NHSL1: variants seen among roughly 807,000 people sequenced by gnomAD.
NHSL1 encodes the protein NHS like 1, also known as NHS-like protein 1.
Under a neutral mutation model 95.0 loss-of-function variants are expected in NHSL1, and 48 were observed. That is an observed-to-expected ratio of 0.51 (90% CI 0.40 to 0.64). The LOEUF is 0.64. Ranked by LOEUF, NHSL1 falls within the 30% of genes least tolerant of loss-of-function variation. NHSL1 has a pLI of 0.00. For missense variants in NHSL1, 1,971 were observed against 2,077.7 expected, an observed-to-expected ratio of 0.95 and a Z score of 1.00; for synonymous variants, 783 against 833.9, an observed-to-expected ratio of 0.94 and a Z score of 1.05.
At chr6:138,690,847 T>C (rs1785656681) in intron 1 of NHSL1, among the ~76,000 whole-genome samples, 3 of 152,262 alleles carry the variant, frequency 2.0e-5, no homozygotes, top group East Asian at 1.9e-4. Flanking sequence ...TTTCTGGCTA[T>C]GGACAGTAGC....
At chr6:138,490,808 AT>A (rs1366046349) in intron 2 of NHSL1, among the ~76,000 whole-genome samples, 9 of 152,102 alleles carry the variant, frequency 5.9e-5, no homozygotes, top group East Asian at 3.9e-4. Context: ...TAATTTTTGT[AT>A]TTTTAGTAGA....
intron 7 of NHSL1, among the ~76,000 whole-genome samples, chr6:138,428,719 A>C (rs1490742155): frequency 6.6e-6 from 1 of 152,190 alleles, no homozygotes. Flanking sequence ...AAGAATTGGG[A>C]AAGCAGTGCT....
At chr6:138,576,073 C>A (rs971817943), upstream of NHSL1, among the ~76,000 whole-genome samples, 1 of 152,106 alleles carries the variant, frequency 6.6e-6, no homozygotes, top group Non-Finnish European at 1.5e-5. Context: ...CTCATTGCAA[C>A]CTTCGCCTCC....
At chr6:138,538,680 A>G (rs1201251724) in intron 1 of NHSL1, among the ~76,000 whole-genome samples, 2 of 152,236 alleles carry the variant, frequency 1.3e-5, no homozygotes, top group East Asian at 3.8e-4. Flanking sequence ...AAAATAATGA[A>G]GAACATAGAT....
At chr6:138,549,687 C>G (rs954424695), upstream of NHSL1, among the ~76,000 whole-genome samples, 1 of 152,160 alleles carries the variant, frequency 6.6e-6, no homozygotes, top group Admixed American at 6.5e-5. Context: ...GTAATAATTA[C>G]GTGAGATGGG....
intron 1 of NHSL1, among the ~76,000 whole-genome samples, chr6:138,608,782 T>C (rs528079241): frequency 1.6e-4 from 24 of 152,226 alleles, no homozygotes; most frequent in Non-Finnish European, 2.8e-4. Flanking sequence ...GACAAATAAC[T>C]GTGCCAGTTA....
chr6:138,491,733 G>A (rs1471957409), intron 2 of NHSL1, among the ~76,000 whole-genome samples: 1 of 152,076 alleles, frequency 6.6e-6, no homozygotes, highest in East Asian at 1.9e-4. Context: ...TTTAAATCTG[G>A]GTAAATGTTG....
chr6:138,540,558 C>A (rs1440381621), intron 1 of NHSL1, among the ~76,000 whole-genome samples: 1 of 152,156 alleles, frequency 6.6e-6, no homozygotes, highest in Non-Finnish European at 1.5e-5. Flanking sequence ...CTAAGGAATT[C>A]TTTTACATAC....
At chr6:138,510,454 T>C (rs1418648689) in intron 1 of NHSL1, among the ~76,000 whole-genome samples, 1 of 152,240 alleles carries the variant, frequency 6.6e-6, no homozygotes, top group East Asian at 1.9e-4. Flanking sequence ...ATTTGATTAG[T>C]GTTGGATCTT....
Position 138,432,552 on chromosome 6 carries a change from G to C in NHSL1, c.1793C>G (p.Ser598Trp), listed in dbSNP as rs1167012540. 6.4e-7 allele frequency: 1 copy of C among 1,552,004 alleles called. No individual in the cohort carries two copies. The highest frequency in any genetic ancestry group is 8.7e-7 in the Non-Finnish European group (1 of 1,147,036). ...DQTSNKEDAG[S>W]LYSEDHDGYC... is the part of the protein sequence containing the mutation. ...GCCATCGTGGTCCTCAGAATACAGC[G>C]ACCCAGCATCCTCTTTGTTGGACGT... The change falls in exon 6 of 8, where the codon TCG becomes TGG. Residue 598 changes from serine (S) to tryptophan (W), a missense_variant. Coordinates refer to ENST00000343505, the MANE Select transcript of NHSL1 (RefSeq NM_001144060.2). The surrounding 1 kb of genome is among the most constrained non-coding windows in gnomAD (Gnocchi z 4.4).
At chr6:138,548,112 G>T (rs956806631), upstream of NHSL1, among the ~76,000 whole-genome samples, 2 of 152,152 alleles carry the variant, frequency 1.3e-5, no homozygotes, top group African/African-American at 4.8e-5. Context: ...CTCCCAAGTA[G>T]CTGGGACTAC....
rs1004809937 is a variant in NHSL1 at position 138,430,649 on chromosome 6, C to T, written c.3696G>A (p.Thr1232=). The T allele has an allele frequency of 5.2e-6, 8 of 1,551,516 alleles. No individual in the cohort carries two copies. The highest frequency in any genetic ancestry group is 2.7e-5 in the African/African-American group (2 of 73,058). ...TGCTGTGCACAGAGCCCTCCTCTCCCGTCGTGGGGCTGGGCACAGCTCGGA... is the reference window on the plus strand; with the variant it reads ...TGCTGTGCACAGAGCCCTCCTCTCCTGTCGTGGGGCTGGGCACAGCTCGGA... ...EALRAVPSPT[T]GEEGSVHSRE... is the part of the protein sequence containing the mutation. The change falls in exon 6 of 8, where the codon ACG becomes ACA. Residue 1232 remains threonine, a synonymous_variant. Coordinates refer to ENST00000343505, the MANE Select transcript of NHSL1 (RefSeq NM_001144060.2). This position sits in a 1 kb window ranked among gnomAD's most constrained non-coding sequence, Gnocchi z 4.7.
chr6:138,432,208 G>A lies in NHSL1; in HGVS notation c.2137C>T (p.Pro713Ser), dbSNP rs985115677. Reference sequence around the variant, plus strand: ...GAGGGCGAGCTGCCACTCTTGCCTGGGAGGCTCAGCTGCAGCGAGTGCTGG... The same window carrying A: ...GAGGGCGAGCTGCCACTCTTGCCTGAGAGGCTCAGCTGCAGCGAGTGCTGG... ...TLQHSLQLSL[P>S]GKSGSSPSQS... The change falls in exon 6 of 8, where the codon CCA becomes TCA. Residue 713 changes from proline (P) to serine (S), a missense_variant. This residue lies in a region of NHSL1 where 1,602 missense variants were observed against 1,654.5 expected (regional missense o/e 0.97). Coordinates refer to ENST00000343505, the MANE Select transcript of NHSL1 (RefSeq NM_001144060.2). The surrounding 1 kb of genome is among the most constrained non-coding windows in gnomAD (Gnocchi z 4.4). 6.5e-7 allele frequency: 1 copy of A among 1,546,698 alleles called. No individual in the cohort carries two copies. Among genetic ancestry groups the A allele is most frequent in the Non-Finnish European group, 8.7e-7 (1 of 1,144,104 alleles).
At position 138,424,105 on chromosome 6, in the gene NHSL1, GC is replaced by G; in HGVS notation, c.4796del (p.Gly1599AlafsTer4). On this transcript the variant is annotated frameshift_variant, in exon 8 of 8. Transcript: ENST00000343505. LOFTEE classifies it high-confidence loss of function. This position sits in a 1 kb window ranked among gnomAD's most constrained non-coding sequence, Gnocchi z 5.9. ...AEGREPSPQC[G>X]GSLSEES ...CCTAACTCTCCTCGCTCAGAGAACC[GC>G]CACACTGTGGGGAGGGCTCTCTGCC... 1 of 1,403,168 alleles carries G rather than the reference GC, an allele frequency of 7.1e-7. No homozygotes were observed. The highest frequency in any genetic ancestry group is 9.3e-7 in the Non-Finnish European group (1 of 1,079,958). The allele number at this position is 1,403,168 out of a possible 1,614,324, so 86.9% of individuals were successfully genotyped here.
At chr6:138,520,805 T>A (rs184711673) in intron 1 of NHSL1, among the ~76,000 whole-genome samples, 11 of 152,308 alleles carry the variant, frequency 7.2e-5, no homozygotes, top group African/African-American at 2.4e-4. Flanking sequence ...AGATTGTGCA[T>A]GGACAAGTAA....
chr6:138,514,999 T>C (rs756809093), intron 1 of NHSL1, among the ~76,000 whole-genome samples: 14 of 147,986 alleles, frequency 9.5e-5, no homozygotes, highest in Non-Finnish European at 1.8e-4. Context: ...AAAAAAAAAG[T>C]GTCTACATGA....
At chr6:138,562,154 C>G (rs1322402864) in intron 1 of NHSL1, among the ~76,000 whole-genome samples, 2 of 152,110 alleles carry the variant, frequency 1.3e-5, no homozygotes, top group Non-Finnish European at 2.9e-5. Context: ...GTTGATTACA[C>G]ATAAATTTTC....
Position 138,432,995 on chromosome 6 carries a change from G to A in NHSL1, c.1350C>T (p.Ser450=). ...SSGSSHARIK[S]RDHLISRHAV... Reference sequence around the variant, plus strand: ...CATGCCTGGAGATGAGGTGGTCTCTGGATTTTATCCTTGCATGTGATGAGC... The same window carrying A: ...CATGCCTGGAGATGAGGTGGTCTCTAGATTTTATCCTTGCATGTGATGAGC... The change falls in exon 6 of 8, where the codon TCC becomes TCT. Residue 450 remains serine (S), a synonymous_variant. Transcript: ENST00000343505. This position sits in a 1 kb window ranked among gnomAD's most constrained non-coding sequence, Gnocchi z 4.4. 1 of 1,551,576 alleles carries A rather than the reference G, an allele frequency of 6.4e-7. No individual in the cohort carries two copies. Among genetic ancestry groups the A allele is most frequent in the Non-Finnish European group, 8.7e-7 (1 of 1,146,954 alleles).
intron 1 of NHSL1, among the ~76,000 whole-genome samples, chr6:138,644,953 G>T (rs1784997989): frequency 6.6e-6 from 1 of 152,172 alleles, no homozygotes; most frequent in South Asian, 2.1e-4. Flanking sequence ...CTTGAATACA[G>T]AGTCAATAAT....
Sources: gnomAD v4.1 joint callset for allele counts (sites outside exome capture counted in the v4.1 genomes callset) on GRCh38, gnomAD v4.1.1 for gene constraint, gnomAD v4.1.1 regional missense constraint, Gnocchi (gnomAD v3.1) non-coding constraint, MANE v1.5 for transcripts, NCBI Gene and HGNC (gene_info 2026-07-23, HGNC 2026-07-21) for gene names.